Variants in RGL1 observed in about 807,000 individuals in gnomAD.
RGL1 encodes the protein ral guanine nucleotide dissociation stimulator like 1, also known as ral guanine nucleotide dissociation stimulator-like 1.
Under a neutral mutation model 95.2 loss-of-function variants are expected in RGL1, and 24 were observed. The ratio of observed to expected loss-of-function variants is 0.25; its 90% CI spans 0.18 to 0.35. The LOEUF (loss-of-function observed/expected upper bound fraction) is 0.35, where lower values mean the gene tolerates loss of function less well. RGL1 is among the 10% of genes least tolerant of loss of function. The pLI is 1.00. For synonymous variants in RGL1, 329 were observed against 344.9 expected, an observed-to-expected ratio of 0.95 and a Z score of 0.51; for missense variants, 715 against 936.3, an observed-to-expected ratio of 0.76 and a Z score of 3.08.
At chr1:183,847,497 A>G (rs1572496950) in intron 2 of RGL1, 69 bp from the exon 3 acceptor site, 3 of 1,305,642 alleles carry the variant, frequency 2.3e-6, no homozygotes, top group East Asian at 2.3e-5. Context: ...GCCTTCAACT[A>G]TTTCAATGCT....
intron 2 of RGL1, among the ~76,000 whole-genome samples, chr1:183,772,028 G>A (rs988828964): frequency 6.6e-6 from 1 of 152,222 alleles, no homozygotes; most frequent in Admixed American, 6.5e-5. Context: ...CAGGGCAGTC[G>A]GAGGAGAGCG....
chr1:183,666,891 A>C (rs1297674528), intron 1 of RGL1, among the ~76,000 whole-genome samples: 1 of 152,164 alleles, frequency 6.6e-6, no homozygotes, highest in African/African-American at 2.4e-5. Context: ...GAGTTCAGCT[A>C]TTTCCTTACT....
chr1:183,637,178 G>T (rs543362716), intron 1 of RGL1, among the ~76,000 whole-genome samples: 14 of 152,240 alleles, frequency 9.2e-5, no homozygotes, highest in Non-Finnish European at 1.9e-4. Flanking sequence ...TATCACGAAA[G>T]TGTTTCCAAG....
intron 1 of RGL1, chr1:183,710,172 T>C: frequency 4.4e-6 from 1 of 229,830 alleles, no homozygotes; most frequent in Non-Finnish European, 9.0e-6. Flanking sequence ...TTCATGGCTC[T>C]CAGCAGGTGG....
chr1:183,647,592 A>ATGAG, intron 1 of RGL1: 2 of 1,488,792 alleles, frequency 1.3e-6, no homozygotes, highest in Non-Finnish European at 1.8e-6. Flanking sequence ...ATCTTGGCTC[A>ATGAG]GCCCTGAGAG....
intron 2 of RGL1, among the ~76,000 whole-genome samples, chr1:183,752,779 T>C (rs992539894): frequency 6.6e-6 from 1 of 151,730 alleles, no homozygotes; most frequent in African/African-American, 2.4e-5. Flanking sequence ...TAGATGACTA[T>C]AGAATTATAG....
At chr1:183,804,283 A>T (rs552440716), upstream of RGL1, among the ~76,000 whole-genome samples, 109 of 152,032 alleles carry the variant, frequency 7.2e-4, no homozygotes, top group Admixed American at 5.2e-3. Context: ...TGCAATTTGC[A>T]TGGAATTCTG....
chr1:183,770,057 C>T (rs1358965388), intron 2 of RGL1, among the ~76,000 whole-genome samples: 1 of 152,198 alleles, frequency 6.6e-6, no homozygotes, highest in East Asian at 1.9e-4. Flanking sequence ...CATATGTAGA[C>T]AATCATCAAA....
Position 183,879,103 on chromosome 1 carries a change from A to G in RGL1, c.426-1513A>G, listed in dbSNP as rs562992347. Reference sequence around the variant, plus strand: ...CTGGACTAAATATTTGGAGTATTGAATTATTTCTATGACTTTCATTTGATG... The same window carrying G: ...CTGGACTAAATATTTGGAGTATTGAGTTATTTCTATGACTTTCATTTGATG... On this transcript the variant is annotated intron_variant, in intron 4 of 17. Coordinates refer to ENST00000360851, the MANE Select transcript of RGL1 (RefSeq NM_001297671.3). Among the ~76,000 whole-genome samples the G allele has an allele frequency of 5.3e-5, 8 of 152,302 alleles. No individual in the cohort carries two copies. In the East Asian group the frequency reaches 7.7e-4, roughly 15 times the overall value.
At chr1:183,696,864 A>G (rs780169798) in intron 1 of RGL1, among the ~76,000 whole-genome samples, 12 of 152,150 alleles carry the variant, frequency 7.9e-5, no homozygotes, top group African/African-American at 1.7e-4. Flanking sequence ...AATCTGACCA[A>G]TTCTTGCCAC....
chr1:183,693,580 C>CT (rs748927461), intron 1 of RGL1, among the ~76,000 whole-genome samples: 115 of 142,154 alleles, frequency 8.1e-4, no homozygotes, highest in Admixed American at 7.9e-4. Context: ...TTCTAGATTA[C>CT]TTTTTTTTTT....
chr1:183,725,024 T>C (rs1421966007), intron 1 of RGL1, among the ~76,000 whole-genome samples: 5 of 152,004 alleles, frequency 3.3e-5, no homozygotes, highest in African/African-American at 4.8e-5. Flanking sequence ...AAACGGACTC[T>C]GTTTCTTTGG....
At chr1:183,741,524 T>C (rs1657303270) in intron 1 of RGL1, among the ~76,000 whole-genome samples, 1 of 152,248 alleles carries the variant, frequency 6.6e-6, no homozygotes, top group South Asian at 2.1e-4. Context: ...TCTGCCTTCA[T>C]TGCAGTTTAG....
chr1:183,870,631 G>A (rs1666128018), intron 4 of RGL1, among the ~76,000 whole-genome samples: 2 of 152,096 alleles, frequency 1.3e-5, no homozygotes, highest in African/African-American at 2.4e-5. Flanking sequence ...TTTCGGGCCC[G>A]GGGGAGAATC....
chr1:183,738,825 C>T (rs549711930), intron 1 of RGL1, among the ~76,000 whole-genome samples: 146 of 152,106 alleles, frequency 9.6e-4, no homozygotes, highest in African/African-American at 3.3e-3. Flanking sequence ...TGCATGAACC[C>T]GGGAGGCAGA....
chr1:183,846,964 G>A (rs1664486400), intron 2 of RGL1, among the ~76,000 whole-genome samples: 1 of 152,160 alleles, frequency 6.6e-6, no homozygotes, highest in Admixed American at 6.5e-5. Context: ...CATTAAAAAT[G>A]CGCTTGGTAA....
chr1:183,658,111 C>T (rs1441607105), intron 1 of RGL1, among the ~76,000 whole-genome samples: 1 of 152,174 alleles, frequency 6.6e-6, no homozygotes, highest in African/African-American at 2.4e-5. Flanking sequence ...CTCCAGTCTA[C>T]AGCTCCCAGC....
At chr1:183,897,076 C>T (rs1667744581) in intron 9 of RGL1, among the ~76,000 whole-genome samples, 1 of 152,194 alleles carries the variant, frequency 6.6e-6, no homozygotes, top group Non-Finnish European at 1.5e-5. Context: ...AGGCCAAGAT[C>T]GAGAAATCAC....
At chr1:183,858,736 C>G (rs1264225106) in intron 3 of RGL1, among the ~76,000 whole-genome samples, 2 of 151,950 alleles carry the variant, frequency 1.3e-5, no homozygotes, top group Non-Finnish European at 2.9e-5. Flanking sequence ...CTGTCAGGCC[C>G]CTAGTCCTGG....
Sources: allele counts gnomAD v4.1 joint callset (sites outside exome capture counted in the v4.1 genomes callset), GRCh38; gene constraint gnomAD v4.1.1; transcripts MANE v1.5; gene names NCBI Gene and HGNC (gene_info 2026-07-23, HGNC 2026-07-21).